Variants in LYST observed in about 807,000 individuals in gnomAD.
The protein encoded by LYST is lysosomal-trafficking regulator.
Under a neutral mutation model 413.6 loss-of-function variants are expected in LYST, and 192 were observed. The ratio of observed to expected loss-of-function variants is 0.46; its 90% CI spans 0.41 to 0.52. The LOEUF is 0.52. Among genes scored for constraint, LYST ranks in the 20% least tolerant of loss-of-function variants. The pLI is 0.00. For missense variants in LYST, 3,815 were observed against 4,499.9 expected (o/e 0.85, Z 4.35); for synonymous variants, 1,525 against 1,567.3 (o/e 0.97, Z 0.64).
At chr1:235,707,151 T>C (rs185474493) in intron 44 of LYST, among the ~76,000 whole-genome samples, 2 of 152,348 alleles carry the variant, frequency 1.3e-5, no homozygotes, top group African/African-American at 4.8e-5. Context: ...TGGACTCTAC[T>C]ACTACATCCA....
intron 9 of LYST, among the ~76,000 whole-genome samples, chr1:235,800,614 A>T (rs1309019586): frequency 1.3e-5 from 2 of 152,224 alleles, no homozygotes; most frequent in Admixed American, 6.5e-5. Flanking sequence ...ATGCATTTTT[A>T]AAAATATTAC....
chr1:235,750,007 A>G (rs1666325544), intron 28 of LYST, among the ~76,000 whole-genome samples: 1 of 152,190 alleles, frequency 6.6e-6, no homozygotes, highest in African/African-American at 2.4e-5. Flanking sequence ...AAGTATCAAT[A>G]CAAAAGAAAC....
At chr1:235,848,648 GAA>G (rs1678169975) in intron 1 of LYST, among the ~76,000 whole-genome samples, 1 of 152,050 alleles carries the variant, frequency 6.6e-6, no homozygotes. Context: ...ACCAAGAAAA[GAA>G]GAGAGAAAAT....
chr1:235,752,616 G>C (rs1163851613), intron 26 of LYST, among the ~76,000 whole-genome samples: 1 of 152,052 alleles, frequency 6.6e-6, no homozygotes, highest in African/African-American at 2.4e-5. Context: ...AATCTCACTT[G>C]TATAAATTAG....
At chr1:235,708,029 T>A (rs1662120431) in intron 44 of LYST, among the ~76,000 whole-genome samples, 1 of 152,136 alleles carries the variant, frequency 6.6e-6, no homozygotes, top group African/African-American at 2.4e-5. Context: ...AATTTTGGAT[T>A]TTTGGATTAA....
intron 31 of LYST, chr1:235,736,671 AAAG>A (rs1664847314): frequency 6.6e-6 from 1 of 152,202 alleles, no homozygotes; most frequent in Admixed American, 6.5e-5. Context: ...GAAAAGGCAT[AAAG>A]AAGATCACTC....
intron 50 of LYST, among the ~76,000 whole-genome samples, chr1:235,675,626 A>G (rs1486367407): frequency 6.6e-6 from 1 of 152,200 alleles, no homozygotes; most frequent in African/African-American, 2.4e-5. Flanking sequence ...CCAGGAGGAC[A>G]GACACTCCAG....
At chr1:235,709,518 T>C (rs1204434018) in intron 43 of LYST, among the ~76,000 whole-genome samples, 1 of 142,162 alleles carries the variant, frequency 7.0e-6, no homozygotes, top group Non-Finnish European at 1.5e-5. Context: ...AATGCTATCA[T>C]AATTAAATTT....
At chr1:235,799,669 T>C (rs10926711) in intron 10 of LYST, among the ~76,000 whole-genome samples, 5,625 of 152,246 alleles carry the variant, frequency 0.037, 347 homozygotes, top group African/African-American at 0.13. Context: ...TATGAATTTC[T>C]CAAATGTCTG....
intron 12 of LYST, among the ~76,000 whole-genome samples, chr1:235,791,239 G>A (rs537085022): frequency 3.2e-4 from 49 of 152,088 alleles, no homozygotes; most frequent in African/African-American, 8.0e-4. Flanking sequence ...CCGAGATCGC[G>A]CCATTGCACT....
intron 21 of LYST, among the ~76,000 whole-genome samples, chr1:235,765,335 T>C (rs1049199286): frequency 6.6e-6 from 1 of 152,206 alleles, no homozygotes; most frequent in African/African-American, 2.4e-5. Flanking sequence ...TGTTATCCTG[T>C]CTCTCACGGA....
chr1:235,870,399 A>G (rs1030845452), upstream of LYST, among the ~76,000 whole-genome samples: 1 of 152,196 alleles, frequency 6.6e-6, no homozygotes, highest in African/African-American at 2.4e-5. Context: ...CTGAGCTGCA[A>G]CCAACCCAGT....
At chr1:235,867,662 C>G (rs1680705770), upstream of LYST, among the ~76,000 whole-genome samples, 2 of 152,154 alleles carry the variant, frequency 1.3e-5, no homozygotes, top group Admixed American at 6.5e-5. Flanking sequence ...TGGCTGCATC[C>G]CCGGCTCTGG....
chr1:235,747,653 T>C (rs1666059519), intron 28 of LYST, among the ~76,000 whole-genome samples: 1 of 152,230 alleles, frequency 6.6e-6, no homozygotes, highest in Non-Finnish European at 1.5e-5. Flanking sequence ...GCTTTCATGC[T>C]GTACGTGCAG....
At chr1:235,666,266 AC>A (rs1558095666) in intron 50 of LYST, among the ~76,000 whole-genome samples, 3 of 122,856 alleles carry the variant, frequency 2.4e-5, no homozygotes, top group Admixed American at 1.7e-4. Context: ...ACACACACAC[AC>A]ACAATTTTCT....
At chr1:235,796,826 T>G (rs139850315) in intron 10 of LYST, among the ~76,000 whole-genome samples, 66 of 152,352 alleles carry the variant, frequency 4.3e-4, no homozygotes, top group African/African-American at 1.5e-3. Flanking sequence ...TCACTCAGTC[T>G]GTGGTATTCC....
intron 3 of LYST, chr1:235,828,183 C>T (rs1675549234): frequency 2.1e-6 from 2 of 948,032 alleles, no homozygotes; most frequent in Non-Finnish European, 2.5e-6. Context: ...TTTAGTAATA[C>T]ATTAAAAGAC....
At chr1:235,725,541 A>G (rs1285207022) in intron 38 of LYST, among the ~76,000 whole-genome samples, 3 of 152,186 alleles carry the variant, frequency 2.0e-5, no homozygotes, top group Non-Finnish European at 2.9e-5. Flanking sequence ...CTCTCTGAGA[A>G]TTCATAACTG....
Position 235,847,060 on chromosome 1 carries a change from G to A in LYST, c.-97-13393C>T, listed in dbSNP as rs560443327. Among the ~76,000 whole-genome samples, 6 of 152,264 alleles carry A rather than the reference G, an allele frequency of 3.9e-5. No individual in the cohort carries two copies. In the South Asian group the frequency reaches 8.3e-4, roughly 21 times the overall value. ...AAATTCATCTCAAAAAGATCTTCGC[G>A]TAGGCACATTGTCATGAGGTTATCC... On this transcript the variant is annotated intron_variant, in intron 1 of 52. Coordinates refer to ENST00000389793, the MANE Select transcript of LYST (RefSeq NM_000081.4).
Sources: allele counts gnomAD v4.1 joint callset (sites outside exome capture counted in the v4.1 genomes callset), GRCh38; gene constraint gnomAD v4.1.1; transcripts MANE v1.5; gene names NCBI Gene and HGNC (gene_info 2026-07-23, HGNC 2026-07-21).